The following CSMD1 variants were observed in gnomAD, a reference collection of about 807,000 sequenced individuals.
The protein encoded by CSMD1 is CUB and Sushi multiple domains 1.
In CSMD1, 213 loss-of-function variants were observed where a neutral mutation model predicts 417.5. The ratio of observed to expected loss-of-function variants is 0.51; its 90% CI spans 0.46 to 0.57. The LOEUF (loss-of-function observed/expected upper bound fraction) is 0.57, where lower values mean the gene tolerates loss of function less well. Among genes scored for constraint, CSMD1 ranks in the 20% least tolerant of loss-of-function variants. The probability of loss-of-function intolerance (pLI) is 0.00; values close to 1 mark genes in which losing one functional copy is unlikely to be tolerated. For synonymous variants in CSMD1, 2,862 were observed against 1,736.8 expected, an observed-to-expected ratio of 1.65 and a Z score of -16.11; for missense variants, 6,923 against 4,529.7, an observed-to-expected ratio of 1.53 and a Z score of -15.17.
In CSMD1 at chr8:4,454,030, G is replaced by T. The variant is rs191907414; in HGVS notation, c.303-33965C>A. Among the ~76,000 whole-genome samples, 28 of 151,818 alleles carry T rather than the reference G, an allele frequency of 1.8e-4. No homozygotes were observed. In the East Asian group the frequency reaches 3.7e-3, roughly 20 times the overall value. On this transcript the variant is annotated intron_variant, in intron 2 of 69. Transcript: ENST00000635120. ...GTAGAGACGGGGTTTCACCGTGTTA[G>T]CCGGGATGGTCTCGATCTCCTGACC...
intron 3 of CSMD1, among the ~76,000 whole-genome samples, chr8:4,241,013 T>A (rs1237825361): frequency 6.6e-5 from 10 of 152,196 alleles, no homozygotes; most frequent in Non-Finnish European, 1.5e-4. Flanking sequence ...TGAAAACCCA[T>A]CTGACTGACT....
intron 5 of CSMD1, among the ~76,000 whole-genome samples, chr8:3,812,487 T>G (rs1018099324): frequency 2.0e-5 from 3 of 152,190 alleles, no homozygotes; most frequent in Admixed American, 1.3e-4. Flanking sequence ...AAATGGTCCA[T>G]GTTCTTTTCA....
At chr8:4,930,106 G>GT (rs1807146472) in intron 1 of CSMD1, among the ~76,000 whole-genome samples, 1 of 152,150 alleles carries the variant, frequency 6.6e-6, no homozygotes, top group East Asian at 1.9e-4. Flanking sequence ...CTCTGTCACT[G>GT]TTTTTGTGTG....
At chr8:3,397,616 TA>T (rs1405926579) in intron 16 of CSMD1, among the ~76,000 whole-genome samples, 1 of 152,224 alleles carries the variant, frequency 6.6e-6, no homozygotes, top group Non-Finnish European at 1.5e-5. Context: ...ATCTTTTTCT[TA>T]AAACTGATTT....
At chr8:3,917,355 C>G (rs1281681430) in intron 5 of CSMD1, among the ~76,000 whole-genome samples, 2 of 152,072 alleles carry the variant, frequency 1.3e-5, no homozygotes, top group Admixed American at 6.6e-5. Flanking sequence ...ACAGTCCACT[C>G]ACTTTGACAC....
Position 4,536,767 on chromosome 8 carries a change from C to A in CSMD1, c.302+100575G>T, listed in dbSNP as rs951256760. Among the ~76,000 whole-genome samples the A allele has an allele frequency of 2.6e-5, 4 of 152,158 alleles. No homozygotes were observed. The East Asian group carries it at 7.7e-4, about 29-fold the overall frequency. On this transcript the variant is annotated intron_variant, in intron 2 of 69. Transcript: ENST00000635120. ...TATATTTTTGAATAGATTCCTGGAA[C>A]TTATCTGCTGTGTCAGATCATAGCA...
At chr8:4,278,646 A>G (rs1025656119) in intron 3 of CSMD1, among the ~76,000 whole-genome samples, 3 of 152,234 alleles carry the variant, frequency 2.0e-5, no homozygotes, top group Admixed American at 1.3e-4. Flanking sequence ...AATTCAACAT[A>G]AAGTGTAGCT....
chr8:4,944,517 G>C (rs1022529097), intron 1 of CSMD1, among the ~76,000 whole-genome samples: 2 of 152,258 alleles, frequency 1.3e-5, no homozygotes, highest in African/African-American at 4.8e-5. Flanking sequence ...ACACATCAGA[G>C]ACTCAGACTC....
At chr8:4,625,596 C>G (rs543420436) in intron 2 of CSMD1, among the ~76,000 whole-genome samples, 231 of 151,956 alleles carry the variant, frequency 1.5e-3, no homozygotes, top group Non-Finnish European at 1.9e-3. Flanking sequence ...CGAGCAAATA[C>G]AAAGTCACAA....
At chr8:3,817,483 G>A (rs139497044) in intron 5 of CSMD1, among the ~76,000 whole-genome samples, 154 of 151,676 alleles carry the variant, frequency 1.0e-3, no homozygotes, top group African/African-American at 1.4e-3. Flanking sequence ...GTTTCACCTC[G>A]TTAGCGAGGA....
intron 1 of CSMD1, among the ~76,000 whole-genome samples, chr8:4,714,628 A>C (rs1276821545): frequency 1.7e-5 from 1 of 57,916 alleles, no homozygotes; most frequent in Non-Finnish European, 3.2e-5. Context: ...ACTCATCCAA[A>C]AACACAGGCC....
intron 51 of CSMD1, among the ~76,000 whole-genome samples, chr8:3,027,783 T>G (rs1273379003): frequency 1.3e-5 from 2 of 152,150 alleles, no homozygotes; most frequent in Non-Finnish European, 2.9e-5. Context: ...AAAACAGACT[T>G]TCTAGAATTT....
At chr8:4,523,968 G>A (rs1039132386) in intron 2 of CSMD1, among the ~76,000 whole-genome samples, 2 of 152,158 alleles carry the variant, frequency 1.3e-5, no homozygotes, top group East Asian at 1.9e-4. Context: ...CCAGCCAGCA[G>A]TTCCTACGCT....
At chr8:4,738,601 C>T (rs1810397143) in intron 1 of CSMD1, among the ~76,000 whole-genome samples, 1 of 152,054 alleles carries the variant, frequency 6.6e-6, no homozygotes, top group African/African-American at 2.4e-5. Context: ...AACTATATCA[C>T]CATCTAGCAT....
intron 3 of CSMD1, among the ~76,000 whole-genome samples, chr8:4,147,142 C>T (rs772475053): frequency 2.0e-5 from 3 of 151,986 alleles, no homozygotes; most frequent in Non-Finnish European, 4.4e-5. Context: ...GTTACCCTCA[C>T]ATGATTCTTC....
intron 49 of CSMD1, among the ~76,000 whole-genome samples, chr8:3,083,563 A>G (rs542127009): frequency 3.2e-4 from 42 of 132,694 alleles, no homozygotes; most frequent in Non-Finnish European, 5.7e-4. Flanking sequence ...GTGCAACTCT[A>G]TATTCCAGGT....
intron 1 of CSMD1, among the ~76,000 whole-genome samples, chr8:4,777,874 C>T (rs757006590): frequency 2.6e-5 from 4 of 152,224 alleles, no homozygotes; most frequent in African/African-American, 7.2e-5. Flanking sequence ...TTCTGACACA[C>T]TGAAATAAAT....
At chr8:4,777,396 G>A (rs1400906557) in intron 1 of CSMD1, among the ~76,000 whole-genome samples, 1 of 152,158 alleles carries the variant, frequency 6.6e-6, no homozygotes, top group Non-Finnish European at 1.5e-5. Context: ...AGAGAGAGAT[G>A]TCTCAGGGGG....
intron 3 of CSMD1, among the ~76,000 whole-genome samples, chr8:4,269,870 C>T (rs1804466136): frequency 6.6e-6 from 1 of 152,100 alleles, no homozygotes. Context: ...GAAGTTATTG[C>T]ATCATTACTG....
Sources: gnomAD v4.1 joint callset for allele counts (sites outside exome capture counted in the v4.1 genomes callset) on GRCh38, gnomAD v4.1.1 for gene constraint, MANE v1.5 for transcripts, NCBI Gene and HGNC (gene_info 2026-07-23, HGNC 2026-07-21) for gene names.